GRIN2A: variants seen among roughly 807,000 people sequenced by gnomAD.
GRIN2A encodes the protein glutamate receptor ionotropic, NMDA 2A.
Under a neutral mutation model 113.4 loss-of-function variants are expected in GRIN2A, and 22 were observed. That is an observed-to-expected ratio of 0.19 (90% CI 0.14 to 0.28). GRIN2A has a LOEUF of 0.28. Ranked by LOEUF, GRIN2A falls within the 10% of genes least tolerant of loss-of-function variation. The probability of loss-of-function intolerance (pLI) is 1.00; values close to 1 mark genes in which losing one functional copy is unlikely to be tolerated. For missense variants in GRIN2A, 1,502 were observed against 1,887.0 expected, an observed-to-expected ratio of 0.80 and a Z score of 3.78; for synonymous variants, 827 against 738.4, an observed-to-expected ratio of 1.12 and a Z score of -1.94.
At chr16:10,132,675 C>A (rs1003130826) in intron 2 of GRIN2A, among the ~76,000 whole-genome samples, 1 of 152,176 alleles carries the variant, frequency 6.6e-6, no homozygotes, top group Non-Finnish European at 1.5e-5. Context: ...TTCATTGCCT[C>A]GGTTTCCACA....
At position 9,885,459 on chromosome 16, in the gene GRIN2A, T is replaced by A. The variant is rs536743266; in HGVS notation, c.1122+5527A>T. 2.6e-5 allele frequency among the ~76,000 whole-genome samples: 4 copies of A among 152,256 alleles called. No individual in the cohort carries two copies. In the South Asian group the frequency reaches 8.3e-4, roughly 32 times the overall value. ...GAGAGAAAGTCTGCTCCATTCTGAG[T>A]TCTGTGTCTGCAGTATACAGGCAGG... On this transcript the variant is annotated intron_variant, in intron 4 of 12. Transcript: ENST00000330684.
chr16:9,945,164 A>T (rs1191664984), intron 2 of GRIN2A, among the ~76,000 whole-genome samples: 1 of 152,168 alleles, frequency 6.6e-6, no homozygotes, highest in African/African-American at 2.4e-5. Flanking sequence ...CTCAAATTTT[A>T]AAAATTTGAA....
At position 10,091,394 on chromosome 16, in the gene GRIN2A, T is replaced by G. The variant is rs72774180; in HGVS notation, c.414+88604A>C. Among the ~76,000 whole-genome samples, 371 of 151,952 alleles carry G rather than the reference T, an allele frequency of 2.4e-3. 3 individuals are homozygous for G. The highest frequency in any genetic ancestry group is 0.01 in the Middle Eastern group (3 of 294). On this transcript the variant is annotated intron_variant, in intron 2 of 12. Transcript: ENST00000330684. ...GTAGGTGATCACTTGAGCCAGGAGT[T>G]TGAGATCAACCTGGGCAACATGGAA...
In GRIN2A at chr16:9,879,953, C is replaced by T. The variant is rs187003814; in HGVS notation, c.1122+11033G>A. On this transcript the variant is annotated intron_variant, in intron 4 of 12. Coordinates refer to ENST00000330684, the MANE Select transcript of GRIN2A (RefSeq NM_001134407.3). ...TTAAATTCTAGCATAGTCCTTTACCCCCATAAAGTTTCCTTCAAAAGATTT... is the reference window on the plus strand; with the variant it reads ...TTAAATTCTAGCATAGTCCTTTACCTCCATAAAGTTTCCTTCAAAAGATTT... Among the ~76,000 whole-genome samples the T allele has an allele frequency of 3.9e-5, 6 of 152,242 alleles. No homozygotes were observed. The East Asian group carries it at 1.2e-3, about 29-fold the overall frequency.
intron 7 of GRIN2A, among the ~76,000 whole-genome samples, chr16:9,837,928 G>A (rs546519243): frequency 7.9e-5 from 12 of 152,238 alleles, no homozygotes; most frequent in African/African-American, 2.6e-4. Context: ...TCCAGAGAGT[G>A]GCAAGCATTT....
chr16:9,926,495 C>T (rs2044467477), intron 3 of GRIN2A, among the ~76,000 whole-genome samples: 1 of 152,210 alleles, frequency 6.6e-6, no homozygotes, highest in South Asian at 2.1e-4. Context: ...CTATGTTGTA[C>T]ACACTTCCAG....
chr16:10,003,157 A>G (rs1405310517), intron 2 of GRIN2A, among the ~76,000 whole-genome samples: 1 of 152,188 alleles, frequency 6.6e-6, no homozygotes. Context: ...CTGTCTTCCT[A>G]CATGGGGAGT....
At chr16:9,813,765 A>G (rs2042135727) in intron 10 of GRIN2A, among the ~76,000 whole-genome samples, 3 of 151,234 alleles carry the variant, frequency 2.0e-5, no homozygotes, top group African/African-American at 7.3e-5. Context: ...TAACTCTATG[A>G]TGTGGAAGCA....
intron 2 of GRIN2A, among the ~76,000 whole-genome samples, chr16:10,147,947 CA>C (rs950267437): frequency 2.6e-5 from 4 of 152,190 alleles, no homozygotes; most frequent in Admixed American, 2.0e-4. Context: ...TCTGTGTTGT[CA>C]AATCCACAGG....
At chr16:10,029,026 A>G (rs2046877126) in intron 2 of GRIN2A, among the ~76,000 whole-genome samples, 1 of 152,118 alleles carries the variant, frequency 6.6e-6, no homozygotes, top group African/African-American at 2.4e-5. Flanking sequence ...TTAGTCTCCT[A>G]ATAATCCACA....
intron 2 of GRIN2A, among the ~76,000 whole-genome samples, chr16:10,126,749 A>AC (rs201920517): frequency 0.01 from 1,564 of 152,294 alleles, 20 homozygotes; most frequent in Non-Finnish European, 0.013. Context: ...CCACAAAGCA[A>AC]CCATTTGATT....
chr16:9,949,575 G>C (rs2045121936), intron 2 of GRIN2A, among the ~76,000 whole-genome samples: 1 of 151,850 alleles, frequency 6.6e-6, no homozygotes, highest in Non-Finnish European at 1.5e-5. Flanking sequence ...TGAATGGATG[G>C]ATGAATGGAT....
At chr16:9,895,430 G>C (rs1257424417) in intron 3 of GRIN2A, among the ~76,000 whole-genome samples, 1 of 152,178 alleles carries the variant, frequency 6.6e-6, no homozygotes, top group Non-Finnish European at 1.5e-5. Context: ...CTTGGGAGAG[G>C]ACGCTAGAGA....
At chr16:10,058,921 A>G (rs887977894) in intron 2 of GRIN2A, among the ~76,000 whole-genome samples, 1 of 152,274 alleles carries the variant, frequency 6.6e-6, no homozygotes, top group Non-Finnish European at 1.5e-5. Context: ...ATAGGCTGTG[A>G]TAACAATAGA....
intron 11 of GRIN2A, among the ~76,000 whole-genome samples, chr16:9,781,157 TA>T (rs1223665274): frequency 6.6e-6 from 1 of 152,108 alleles, no homozygotes; most frequent in Non-Finnish European, 1.5e-5. Flanking sequence ...TAAAACTTTA[TA>T]AAAAACATGT....
intron 5 of GRIN2A, among the ~76,000 whole-genome samples, chr16:9,844,358 G>A (rs1433689367): frequency 1.3e-5 from 2 of 152,186 alleles, no homozygotes. Flanking sequence ...TGGGGACACA[G>A]GATGAAAAAG....
intron 2 of GRIN2A, among the ~76,000 whole-genome samples, chr16:9,970,302 T>C (rs763714496): frequency 5.9e-5 from 9 of 152,218 alleles, no homozygotes; most frequent in Non-Finnish European, 1.0e-4. Flanking sequence ...ATCCTTTTCT[T>C]AGCCCTGGAG....
intron 11 of GRIN2A, among the ~76,000 whole-genome samples, chr16:9,784,450 A>AAAAAC (rs1555486259): frequency 2.0e-5 from 3 of 148,310 alleles, no homozygotes; most frequent in African/African-American, 7.8e-5. Flanking sequence ...CCAAAAAAAA[A>AAAAAC]AAACAAACAA....
chr16:9,970,305 C>T (rs192807130), intron 2 of GRIN2A, among the ~76,000 whole-genome samples: 1 of 152,260 alleles, frequency 6.6e-6, no homozygotes, highest in East Asian at 1.9e-4. Context: ...CTTTTCTTAG[C>T]CCTGGAGCTT....
Sources: allele counts gnomAD v4.1 joint callset (sites outside exome capture counted in the v4.1 genomes callset), GRCh38; gene constraint gnomAD v4.1.1; transcripts MANE v1.5; gene names NCBI Gene and HGNC (gene_info 2026-07-23, HGNC 2026-07-21).